Variants in DSCAML1 observed in about 807,000 individuals in gnomAD.
DSCAML1 encodes the protein cell adhesion molecule DSCAML1.
In DSCAML1, 38 loss-of-function variants were observed where a neutral mutation model predicts 200.5. The ratio of observed to expected loss-of-function variants is 0.19; its 90% CI spans 0.15 to 0.25. DSCAML1 has a LOEUF of 0.25. DSCAML1 is among the 10% of genes least tolerant of loss of function. DSCAML1 has a pLI of 1.00. For missense variants in DSCAML1, 2,223 were observed against 2,858.8 expected (o/e 0.78, Z 5.07); for synonymous variants, 1,215 against 1,165.0 (o/e 1.04, Z -0.87).
At chr11:117,676,814 C>T (rs1188085788) in intron 3 of DSCAML1, among the ~76,000 whole-genome samples, 1 of 152,222 alleles carries the variant, frequency 6.6e-6, no homozygotes, top group Non-Finnish European at 1.5e-5. Context: ...CAGTGTTATG[C>T]CTTTGGGAAA....
chr11:117,754,304 A>G (rs894126979), intron 3 of DSCAML1, among the ~76,000 whole-genome samples: 7 of 152,132 alleles, frequency 4.6e-5, no homozygotes, highest in African/African-American at 1.4e-4. Context: ...AATTAATTCA[A>G]CTCACTGCTG....
intron 3 of DSCAML1, among the ~76,000 whole-genome samples, chr11:117,586,721 C>T (rs958567664): frequency 3.9e-5 from 6 of 152,192 alleles, no homozygotes; most frequent in Admixed American, 6.5e-5. Flanking sequence ...GCAGGGAGAG[C>T]CTTCAGGACT....
intron 3 of DSCAML1, among the ~76,000 whole-genome samples, chr11:117,704,705 G>C (rs1380148326): frequency 6.6e-6 from 1 of 152,158 alleles, no homozygotes; most frequent in South Asian, 2.1e-4. Context: ...AAAGGGAAAA[G>C]GTAGGTGTCA....
intron 3 of DSCAML1, among the ~76,000 whole-genome samples, chr11:117,580,641 G>T (rs970730577): frequency 6.6e-6 from 1 of 152,156 alleles, no homozygotes; most frequent in African/African-American, 2.4e-5. Flanking sequence ...AGGTACCAGG[G>T]TTCCCTGCTT....
intron 15 of DSCAML1, among the ~76,000 whole-genome samples, chr11:117,470,497 C>T (rs887101953): frequency 2.6e-5 from 4 of 152,214 alleles, no homozygotes; most frequent in Admixed American, 2.6e-4. Context: ...ATGGCATGAA[C>T]CCAGGGGGTG....
intron 3 of DSCAML1, among the ~76,000 whole-genome samples, chr11:117,577,516 TC>T (rs2050965321): frequency 2.0e-5 from 1 of 49,574 alleles, no homozygotes; most frequent in African/African-American, 9.4e-5. Flanking sequence ...CCTCCTTCCT[TC>T]CTTCCTTCCT....
intron 3 of DSCAML1, among the ~76,000 whole-genome samples, chr11:117,666,876 C>T (rs1001316304): frequency 1.1e-4 from 16 of 152,140 alleles, no homozygotes; most frequent in Non-Finnish European, 2.4e-4. Flanking sequence ...CTAGCAGATG[C>T]GTGGCACGTG....
chr11:117,720,992 A>C (rs1437634212), intron 3 of DSCAML1, among the ~76,000 whole-genome samples: 1 of 152,156 alleles, frequency 6.6e-6, no homozygotes, highest in African/African-American at 2.4e-5. Context: ...ATCTTGTTAC[A>C]TTTTCATCCT....
At chr11:117,582,674 G>A (rs531599898) in intron 3 of DSCAML1, among the ~76,000 whole-genome samples, 97 of 152,278 alleles carry the variant, frequency 6.4e-4, no homozygotes, top group Non-Finnish European at 1.4e-3. Flanking sequence ...AGGGAGAGGG[G>A]AATATCCGCA....
At chr11:117,471,707 C>G (rs1331984233) in intron 15 of DSCAML1, among the ~76,000 whole-genome samples, 162 bp downstream of exon 15, 1 of 149,604 alleles carries the variant, frequency 6.7e-6, no homozygotes, top group Non-Finnish European at 1.5e-5. Context: ...CAAATAGGAG[C>G]CTGCAGTGAT....
At chr11:117,562,154 C>A (rs565023264) in intron 3 of DSCAML1, among the ~76,000 whole-genome samples, 1 of 152,328 alleles carries the variant, frequency 6.6e-6, no homozygotes, top group Admixed American at 6.5e-5. Context: ...TGACCCAGCA[C>A]TGAGGGCCAG....
At chr11:117,752,998 G>C (rs1388355980) in intron 3 of DSCAML1, among the ~76,000 whole-genome samples, 1 of 152,216 alleles carries the variant, frequency 6.6e-6, no homozygotes, top group Non-Finnish European at 1.5e-5. Context: ...AGGGGTGGGA[G>C]CACGGGAGTG....
At chr11:117,526,069 G>A (rs969353600) in intron 4 of DSCAML1, among the ~76,000 whole-genome samples, 6 of 152,212 alleles carry the variant, frequency 3.9e-5, no homozygotes, top group Admixed American at 6.5e-5. Context: ...TAGCGCCTGC[G>A]GGCAGGATTC....
intron 1 of DSCAML1, among the ~76,000 whole-genome samples, chr11:117,810,842 G>A (rs904793641): frequency 1.3e-5 from 2 of 152,048 alleles, no homozygotes; most frequent in East Asian, 1.9e-4. Context: ...TAGTCTCTGT[G>A]CCCAGTGCAA....
At chr11:117,466,532 T>G (rs944254279) in intron 16 of DSCAML1, among the ~76,000 whole-genome samples, 1 of 152,246 alleles carries the variant, frequency 6.6e-6, no homozygotes, top group African/African-American at 2.4e-5. Flanking sequence ...AAACCCCATC[T>G]CTACTAAAAA....
chr11:117,492,495 G>T (rs1394138810), intron 11 of DSCAML1, among the ~76,000 whole-genome samples: 3 of 152,212 alleles, frequency 2.0e-5, no homozygotes, highest in Admixed American at 1.3e-4. Context: ...GGAGCAGGGA[G>T]CCCGTGTGTT....
chr11:117,511,357 G>T (rs2049614138), intron 8 of DSCAML1, among the ~76,000 whole-genome samples: 1 of 152,166 alleles, frequency 6.6e-6, no homozygotes. Context: ...TCAGATGTAG[G>T]AATGGAGATG....
chr11:117,443,244 C>T (rs977153114), intron 21 of DSCAML1, among the ~76,000 whole-genome samples: 1 of 152,156 alleles, frequency 6.6e-6, no homozygotes, highest in Non-Finnish European at 1.5e-5. Flanking sequence ...GCTCTACCTG[C>T]GCGGCTGCTA....
intron 1 of DSCAML1, among the ~76,000 whole-genome samples, chr11:117,789,585 T>C (rs1424301918): frequency 6.6e-6 from 1 of 152,156 alleles, no homozygotes; most frequent in East Asian, 1.9e-4. Context: ...CTAGCCATTG[T>C]GGAACTCAGG....
Sources: allele counts gnomAD v4.1 joint callset (sites outside exome capture counted in the v4.1 genomes callset), GRCh38; gene constraint gnomAD v4.1.1; transcripts MANE v1.5; gene names NCBI Gene and HGNC (gene_info 2026-07-23, HGNC 2026-07-21).